Variants in WDR47 observed in about 807,000 individuals in gnomAD.
WDR47 encodes WD repeat-containing protein 47.
A neutral mutation model predicts 97.2 loss-of-function variants in WDR47; 32 were observed. The ratio of observed to expected loss-of-function variants is 0.33; its 90% CI spans 0.25 to 0.44. The LOEUF (loss-of-function observed/expected upper bound fraction) is 0.44, where lower values mean the gene tolerates loss of function less well. Among genes scored for constraint, WDR47 ranks in the 20% least tolerant of loss-of-function variants. The pLI is 1.00. For missense variants in WDR47, 782 were observed against 1,102.3 expected (o/e 0.71, Z 4.11); for synonymous variants, 375 against 373.5 (o/e 1.00, Z -0.05).
chr1:109,033,714 A>T (rs1662748501), intron 1 of WDR47, among the ~76,000 whole-genome samples: 2 of 152,204 alleles, frequency 1.3e-5, no homozygotes, highest in African/African-American at 2.4e-5. Context: ...AGGTCAGGAG[A>T]TGGAGACCAT....
At position 108,986,692 on chromosome 1, in the gene WDR47, A is replaced by G. The variant is rs1410742213; in HGVS notation, c.1768-12T>C. The G allele has an allele frequency of 7.1e-7, 1 of 1,404,826 alleles. No homozygotes were observed. The highest frequency in any genetic ancestry group is 2.9e-5 in the Admixed American group (1 of 34,574). 87.0% of individuals were successfully genotyped at this position (1,404,826 alleles called of 1,614,324 possible). A position where few individuals can be genotyped will look rare whatever the true frequency, so the allele number is the denominator to read the frequency against. On this transcript the variant is annotated splice_polypyrimidine_tract_variant and intron_variant, in intron 9 of 14. Transcript: ENST00000369962. ...TTTGATTTGTCATCCTATGGAAAGA[A>G]TGAATATTAGTTATCCTATTAAAAA...
At chr1:108,985,693 T>C (rs1658733838) in intron 10 of WDR47, among the ~76,000 whole-genome samples, 2 of 152,212 alleles carry the variant, frequency 1.3e-5, no homozygotes, top group South Asian at 4.1e-4. Context: ...GAAACATCTG[T>C]GTCTGTATAA....
intron 2 of WDR47, among the ~76,000 whole-genome samples, chr1:109,022,126 G>A (rs1369251429): frequency 1.3e-5 from 2 of 152,112 alleles, no homozygotes; most frequent in Admixed American, 6.6e-5. Flanking sequence ...AGGATTGCAG[G>A]TTTGAGTCAC....
chr1:109,013,412 C>T (rs1661186096), intron 4 of WDR47, among the ~76,000 whole-genome samples: 1 of 151,182 alleles, frequency 6.6e-6, no homozygotes, highest in East Asian at 1.9e-4. Flanking sequence ...AATTTAATTT[C>T]ATTAAATTTA....
chr1:109,030,900 C>G (rs557794584), intron 1 of WDR47, among the ~76,000 whole-genome samples: 1 of 138,936 alleles, frequency 7.2e-6, no homozygotes. Context: ...AAGTCACTAA[C>G]CTCTATGGGC....
chr1:109,022,855 G>A (rs879906326), intron 2 of WDR47, among the ~76,000 whole-genome samples: 4 of 151,622 alleles, frequency 2.6e-5, no homozygotes, highest in African/African-American at 7.3e-5. Flanking sequence ...CAAAGTGCTG[G>A]GATTACAGGC....
chr1:108,993,677 TA>T (rs1659538162), intron 8 of WDR47, among the ~76,000 whole-genome samples: 1 of 152,096 alleles, frequency 6.6e-6, no homozygotes, highest in East Asian at 1.9e-4. Flanking sequence ...GCAGTAAATA[TA>T]AAGTGAAGCA....
At chr1:109,040,266 T>C (rs1293612868) in intron 1 of WDR47, among the ~76,000 whole-genome samples, 1 of 152,198 alleles carries the variant, frequency 6.6e-6, no homozygotes, top group Non-Finnish European at 1.5e-5. Context: ...AAACTGCACA[T>C]CTTTTCATAA....
At chr1:109,037,061 G>A (rs1182781906) in intron 1 of WDR47, among the ~76,000 whole-genome samples, 1 of 152,192 alleles carries the variant, frequency 6.6e-6, no homozygotes, top group Non-Finnish European at 1.5e-5. Flanking sequence ...CAGGTGCGGT[G>A]GCTCACGCCT....
In WDR47 at chr1:108,981,739, C is replaced by G. The variant is rs1241591047; in HGVS notation, c.2392G>C (p.Gly798Arg). Residue 798 changes from glycine to arginine, a missense_variant, in exon 13 of 15, where the codon GGA becomes CGA. Physicochemically the swap from Gly to Arg is moderately radical, Grantham distance 125. Coordinates refer to ENST00000369962, the MANE Select transcript of WDR47 (RefSeq NM_001142551.2). ...CATTTAAAGAAAAACCTACCAGTTC[C>G]ATGAAATGTTGTGCCAACAACACGA... Reference protein sequence around the residue: ...CVRVVGTTFHGTGSAVASVAV... With the variant: ...CVRVVGTTFHRTGSAVASVAV... 1.2e-6 allele frequency: 2 copies of G among 1,611,326 alleles called. No homozygotes were observed. The highest frequency in any genetic ancestry group is 4.5e-5 in the East Asian group (2 of 44,790).
chr1:108,985,690 CTG>C (rs1308522168), intron 10 of WDR47, among the ~76,000 whole-genome samples: 2 of 152,112 alleles, frequency 1.3e-5, no homozygotes, highest in East Asian at 3.8e-4. Flanking sequence ...TATGAAACAT[CTG>C]TGTCTGTATA....
chr1:109,025,718 A>T (rs1662166555), intron 1 of WDR47, among the ~76,000 whole-genome samples: 1 of 152,170 alleles, frequency 6.6e-6, no homozygotes, highest in Admixed American at 6.6e-5. Context: ...TGGGCAATAG[A>T]GCCAGACTCC....
chr1:108,990,436 C>T (rs1349562172), intron 9 of WDR47, among the ~76,000 whole-genome samples: 4 of 151,788 alleles, frequency 2.6e-5, no homozygotes, highest in Non-Finnish European at 5.9e-5. Flanking sequence ...CTTGAGCTCC[C>T]GACCTCAGAT....
intron 5 of WDR47, among the ~76,000 whole-genome samples, chr1:109,009,528 T>C (rs990975554): frequency 2.0e-5 from 3 of 152,206 alleles, no homozygotes; most frequent in African/African-American, 7.2e-5. Context: ...AACAACCTGG[T>C]ATCCTACAAT....
At chr1:108,990,580 TCCTTTG>T (rs1659249887) in intron 9 of WDR47, among the ~76,000 whole-genome samples, 1 of 152,276 alleles carries the variant, frequency 6.6e-6, no homozygotes, top group South Asian at 2.1e-4. Context: ...GGACAAATAT[TCCTTTG>T]TGCTTATCAT....
chr1:109,023,340 A>G lies in WDR47; in HGVS notation c.158+15T>C. On this transcript the variant is annotated intron_variant, in intron 2 of 14. Transcript: ENST00000369962. Reference sequence around the variant, plus strand: ...TCGAAGGAGCTACAAACTTCACAGTATAATGAAATCATACCTCAGGAAAAG... The same window carrying G: ...TCGAAGGAGCTACAAACTTCACAGTGTAATGAAATCATACCTCAGGAAAAG... The G allele has an allele frequency of 6.2e-7, 1 of 1,611,766 alleles. No individual in the cohort carries two copies. Among genetic ancestry groups the G allele is most frequent in the Admixed American group, 1.7e-5 (1 of 59,446 alleles).
intron 1 of WDR47, among the ~76,000 whole-genome samples, chr1:109,028,814 T>C (rs954985938): frequency 5.9e-5 from 9 of 152,138 alleles, no homozygotes; most frequent in African/African-American, 2.2e-4. Flanking sequence ...ATGTATTTAA[T>C]AATACATATA....
intron 5 of WDR47, among the ~76,000 whole-genome samples, chr1:109,009,995 T>C (rs112696770): frequency 0.037 from 5,621 of 150,696 alleles, 358 homozygotes; most frequent in African/African-American, 0.13. Context: ...CAAAACTCCA[T>C]CTCAAAAAAA....
intron 4 of WDR47, 30 bp from the exon 5 acceptor site, chr1:109,011,748 T>G (rs1006417867): frequency 1.3e-6 from 2 of 1,540,700 alleles, no homozygotes; most frequent in Admixed American, 4.2e-5. Context: ...GATCAAATAA[T>G]CACTATAAAA....
Sources: allele counts gnomAD v4.1 joint callset (sites outside exome capture counted in the v4.1 genomes callset), GRCh38; gene constraint gnomAD v4.1.1; transcripts MANE v1.5; gene names NCBI Gene and HGNC (gene_info 2026-07-23, HGNC 2026-07-21).